TTLL9: variants seen among roughly 807,000 people sequenced by gnomAD.
The protein encoded by TTLL9 is probable tubulin polyglutamylase TTLL9.
In TTLL9, 47 loss-of-function variants were observed where a neutral mutation model predicts 65.6. That is an observed-to-expected ratio of 0.72 (90% CI 0.57 to 0.91). The LOEUF (loss-of-function observed/expected upper bound fraction) is 0.91. TTLL9 is among the 40% of genes least tolerant of loss of function. TTLL9 has a pLI of 0.00. For missense variants in TTLL9, 537 were observed against 568.8 expected (o/e 0.94, Z 0.57); for synonymous variants, 179 against 204.8 (o/e 0.87, Z 1.07).
chr20:31,884,858 G>A (rs1273974686), intron 2 of TTLL9, among the ~76,000 whole-genome samples: 2 of 152,138 alleles, frequency 1.3e-5, no homozygotes, highest in African/African-American at 2.4e-5. Context: ...AATCCCCCTT[G>A]CGTTCTAGGG....
intron 3 of TTLL9, among the ~76,000 whole-genome samples, chr20:31,893,670 T>C (rs77185411): frequency 1.0e-5 from 1 of 100,118 alleles, no homozygotes. Context: ...TTCCTCAGGC[T>C]TTTTTTTTTT....
At chr20:31,910,220 C>G (rs73903686) in intron 6 of TTLL9, among the ~76,000 whole-genome samples, 1,674 of 152,330 alleles carry the variant, frequency 0.011, 32 homozygotes, top group African/African-American at 0.038. Flanking sequence ...CCCCAGTCCT[C>G]ATAGTGACCC....
In TTLL9 at chr20:31,908,674, G is replaced by T. The variant is rs766041516; in HGVS notation, c.290G>T (p.Arg97Leu). The T allele has an allele frequency of 1.2e-6, 2 of 1,613,986 alleles. No individual in the cohort carries two copies. The highest frequency in any genetic ancestry group is 1.7e-6 in the Non-Finnish European group (2 of 1,180,022). The change falls in exon 5 of 15, where the codon CGG becomes CTG. Residue 97 changes from arginine to leucine, a missense_variant. This residue lies in a region of TTLL9 where 320 missense variants were observed against 311.0 expected (regional missense o/e 1.03). Coordinates refer to ENST00000535842, the MANE Select transcript of TTLL9 (RefSeq NM_001008409.5). ...CACACCTACATGGATGAACATGTGC[G>T]GATCAGTCACTTCCGGAACCACTAT... ...FDHTYMDEHV[R>L]ISHFRNHYEL...
chr20:31,939,025 A>G lies in TTLL9; in HGVS notation c.1119-117A>G, dbSNP rs181543071. On this transcript the variant is annotated intron_variant, in intron 13 of 14. Transcript: ENST00000535842. ...AACAGCCAATGAATGGTTGGGAAAA[A>G]GGACTTCTGAGGGACGGACATCAGT... 2.9e-5 allele frequency: 35 copies of G among 1,222,910 alleles called. No homozygotes were observed. The African/African-American group carries it at 3.8e-4, about 13-fold the overall frequency. The allele number at this position is 1,222,910 out of a possible 1,614,324, so 75.8% of individuals were successfully genotyped here. A position where few individuals can be genotyped will look rare whatever the true frequency, so the allele number is the denominator to read the frequency against.
At chr20:31,883,858 C>T (rs954874471) in intron 2 of TTLL9, among the ~76,000 whole-genome samples, 1 of 152,138 alleles carries the variant, frequency 6.6e-6, no homozygotes, top group Non-Finnish European at 1.5e-5. Flanking sequence ...ATAGAGAATG[C>T]ATTCCTCTTG....
chr20:31,910,039 G>A lies in TTLL9; in HGVS notation c.504+117G>A, dbSNP rs1357210647. The stretch of plus-strand genomic sequence containing the variant: ...CTTAGATGCTGTCTGCCTTCCCGAA[G>A]GGCCAGCTTTAGCTCCTCTTCTCTG... On this transcript the variant is annotated intron_variant, in intron 6 of 14. Coordinates refer to ENST00000535842, the MANE Select transcript of TTLL9 (RefSeq NM_001008409.5). 6 of 1,029,748 alleles carry A rather than the reference G, an allele frequency of 5.8e-6. No individual in the cohort carries two copies. In the Admixed American group the frequency reaches 1.4e-4, roughly 24 times the overall value. 63.8% of individuals were successfully genotyped at this position (1,029,748 alleles called of 1,614,324 possible). A position where few individuals can be genotyped will look rare whatever the true frequency, so the allele number is the denominator to read the frequency against.
chr20:31,881,897 G>A (rs1288556555), intron 2 of TTLL9, among the ~76,000 whole-genome samples: 1 of 152,184 alleles, frequency 6.6e-6, no homozygotes, highest in Non-Finnish European at 1.5e-5. Context: ...ATAGACATGG[G>A]TGTAGCAGAC....
intron 6 of TTLL9, among the ~76,000 whole-genome samples, chr20:31,918,014 C>T (rs367766530): frequency 1.3e-5 from 2 of 151,636 alleles, no homozygotes; most frequent in African/African-American, 2.4e-5. Flanking sequence ...GCATATCCCC[C>T]GGGTTGCTTT....
At chr20:31,927,374 G>T (rs367880213) in intron 10 of TTLL9, among the ~76,000 whole-genome samples, 226 of 151,556 alleles carry the variant, frequency 1.5e-3, no homozygotes, top group African/African-American at 5.3e-3. Context: ...CTAGCTACTA[G>T]GGAGGCTGAG....
intron 2 of TTLL9, among the ~76,000 whole-genome samples, chr20:31,873,483 T>C (rs1282560238): frequency 4.6e-5 from 7 of 151,842 alleles, no homozygotes; most frequent in African/African-American, 1.7e-4. Flanking sequence ...ATTTCGTCTC[T>C]ACAAACAAAC....
intron 3 of TTLL9, among the ~76,000 whole-genome samples, chr20:31,896,530 T>A (rs915909101): frequency 1.3e-5 from 2 of 152,060 alleles, no homozygotes; most frequent in Admixed American, 6.6e-5. Flanking sequence ...GTTTTTTTTG[T>A]TGTTGTTTTG....
chr20:31,936,442 C>G (rs527579663), intron 12 of TTLL9, among the ~76,000 whole-genome samples: 2 of 151,744 alleles, frequency 1.3e-5, no homozygotes, highest in African/African-American at 4.8e-5. Flanking sequence ...TGCTCTCTAG[C>G]CTGAGTGACA....
At chr20:31,933,066 A>G (rs985493644) in intron 10 of TTLL9, among the ~76,000 whole-genome samples, 1 of 152,188 alleles carries the variant, frequency 6.6e-6, no homozygotes, top group Non-Finnish European at 1.5e-5. Flanking sequence ...ATGTTGAGGA[A>G]GGAGTATTCT....
chr20:31,907,589 T>G (rs549890227), intron 4 of TTLL9, among the ~76,000 whole-genome samples: 128 of 151,980 alleles, frequency 8.4e-4, no homozygotes, highest in African/African-American at 2.8e-3. Context: ...GTTGCGGTGG[T>G]GGGCACCTGT....
chr20:31,893,520 G>C (rs894016337), intron 3 of TTLL9, among the ~76,000 whole-genome samples: 6 of 151,938 alleles, frequency 3.9e-5, no homozygotes, highest in Admixed American at 1.3e-4. Flanking sequence ...TGAACTCCTG[G>C]CCTCAGGTGA....
chr20:31,875,942 C>G (rs1223070314), intron 2 of TTLL9, among the ~76,000 whole-genome samples: 2 of 152,138 alleles, frequency 1.3e-5, no homozygotes, highest in Non-Finnish European at 2.9e-5. Flanking sequence ...TGGTGCATAT[C>G]TTTTGAGTCT....
intron 4 of TTLL9, among the ~76,000 whole-genome samples, chr20:31,901,090 A>T (rs2063471392): frequency 6.6e-6 from 1 of 152,218 alleles, no homozygotes; most frequent in Non-Finnish European, 1.5e-5. Context: ...ATCAGGTCTC[A>T]GTTCAGACTG....
intron 3 of TTLL9, among the ~76,000 whole-genome samples, chr20:31,888,274 C>T (rs1299685121): frequency 2.0e-5 from 3 of 152,116 alleles, no homozygotes; most frequent in Non-Finnish European, 4.4e-5. Context: ...ATGCAGTGCC[C>T]ATCTTCTTTG....
At chr20:31,892,916 T>C (rs1387104607) in intron 3 of TTLL9, among the ~76,000 whole-genome samples, 2 of 152,242 alleles carry the variant, frequency 1.3e-5, no homozygotes, top group East Asian at 3.8e-4. Flanking sequence ...CTTGTAAATA[T>C]GTTATAAACC....
Sources: allele counts gnomAD v4.1 joint callset (sites outside exome capture counted in the v4.1 genomes callset), GRCh38; gene constraint gnomAD v4.1.1; regional missense constraint gnomAD v4.1.1; transcripts MANE v1.5; gene names NCBI Gene and HGNC (gene_info 2026-07-23, HGNC 2026-07-21).